Variants in WWOX observed in about 807,000 individuals in gnomAD.
WWOX encodes WW domain-containing oxidoreductase.
WWOX carries 69 observed loss-of-function variants against 46.2 expected under a neutral mutation model. That is an observed-to-expected ratio of 1.49 (90% CI 1.23 to 1.82). The LOEUF (loss-of-function observed/expected upper bound fraction) is 1.82. Ranked by LOEUF, WWOX falls within the 40% of genes most tolerant of loss-of-function variation. WWOX has a pLI of 0.00. For missense variants in WWOX, 919 were observed against 542.6 expected (o/e 1.69, Z -6.89); for synonymous variants, 359 against 202.6 (o/e 1.77, Z -6.56).
At chr16:78,410,890 C>T (rs757350661) in intron 6 of WWOX, among the ~76,000 whole-genome samples, 7 of 151,408 alleles carry the variant, frequency 4.6e-5, no homozygotes, top group African/African-American at 7.3e-5. Context: ...TCATGCATGG[C>T]TGTTGGCAGA....
intron 8 of WWOX, among the ~76,000 whole-genome samples, chr16:79,193,219 T>G (rs1434271948): frequency 6.6e-6 from 1 of 152,222 alleles, no homozygotes; most frequent in Non-Finnish European, 1.5e-5. Flanking sequence ...TCTCCAAATT[T>G]GATTCCCTCT....
intron 4 of WWOX, among the ~76,000 whole-genome samples, chr16:78,163,483 C>A (rs1235287834): frequency 6.6e-6 from 1 of 152,186 alleles, no homozygotes; most frequent in Admixed American, 6.5e-5. Flanking sequence ...AAAAGCTCAG[C>A]CCATCTTCTC....
intron 8 of WWOX, among the ~76,000 whole-genome samples, chr16:78,749,753 A>C (rs993996993): frequency 6.6e-6 from 1 of 152,198 alleles, no homozygotes; most frequent in African/African-American, 2.4e-5. Context: ...GCCGTATTGG[A>C]TGTTCAAATC....
At chr16:78,199,254 A>G (rs1009649484) in intron 5 of WWOX, among the ~76,000 whole-genome samples, 5 of 152,176 alleles carry the variant, frequency 3.3e-5, no homozygotes, top group African/African-American at 9.7e-5. Flanking sequence ...CGGAGGTTGC[A>G]GTGAGCCCAG....
rs1375389001 is a variant in WWOX at position 78,953,411 on chromosome 16, C to T, written c.1057-258197C>T. ...GCTAATTGCAAACACAAAATTCAAA[C>T]CTAGTCAAATTTGAAACCTGTTCAT... On this transcript the variant is annotated intron_variant, in intron 8 of 8. Coordinates refer to ENST00000566780, the MANE Select transcript of WWOX (RefSeq NM_016373.4). 5.3e-5 allele frequency among the ~76,000 whole-genome samples: 8 copies of T among 152,128 alleles called. No individual in the cohort carries two copies. The East Asian group carries it at 1.5e-3, about 29-fold the overall frequency.
At chr16:78,336,742 T>C (rs1471347867) in intron 5 of WWOX, among the ~76,000 whole-genome samples, 1 of 152,134 alleles carries the variant, frequency 6.6e-6, no homozygotes, top group Non-Finnish European at 1.5e-5. Context: ...TTTTGGCTTA[T>C]AAAAATGGTA....
chr16:78,131,612 C>T (rs557014395), intron 4 of WWOX, among the ~76,000 whole-genome samples: 1 of 151,834 alleles, frequency 6.6e-6, no homozygotes, highest in Admixed American at 6.6e-5. Context: ...GATGGAGTCT[C>T]ACTCTGTCGC....
intron 8 of WWOX, among the ~76,000 whole-genome samples, chr16:78,668,895 G>C (rs150290132): frequency 4.1e-4 from 63 of 152,184 alleles, no homozygotes; most frequent in African/African-American, 1.5e-3. Flanking sequence ...TCTCTTCATC[G>C]GGCCTCCACA....
intron 5 of WWOX, among the ~76,000 whole-genome samples, chr16:78,357,291 C>A (rs903316142): frequency 1.3e-5 from 2 of 152,154 alleles, no homozygotes; most frequent in African/African-American, 4.8e-5. Context: ...TCTGTTGAGA[C>A]CTGACTTTGG....
chr16:78,929,055 C>G (rs569524398), intron 8 of WWOX, among the ~76,000 whole-genome samples: 1 of 152,022 alleles, frequency 6.6e-6, no homozygotes, highest in Non-Finnish European at 1.5e-5. Flanking sequence ...TCCTTTTTGC[C>G]TTCAAATCAT....
At chr16:78,692,749 G>T (rs2048018455) in intron 8 of WWOX, among the ~76,000 whole-genome samples, 1 of 152,126 alleles carries the variant, frequency 6.6e-6, no homozygotes, top group Non-Finnish European at 1.5e-5. Flanking sequence ...CTTAAACTGG[G>T]GTATGAGTGG....
chr16:78,415,776 A>G (rs1015665368), intron 6 of WWOX, among the ~76,000 whole-genome samples: 3 of 152,158 alleles, frequency 2.0e-5, no homozygotes, highest in Non-Finnish European at 4.4e-5. Context: ...GCTCTGTCAT[A>G]AGGAATCTTG....
At chr16:79,173,543 C>G (rs1173673013) in intron 8 of WWOX, among the ~76,000 whole-genome samples, 1 of 151,714 alleles carries the variant, frequency 6.6e-6, no homozygotes, top group Non-Finnish European at 1.5e-5. Flanking sequence ...AGTCTTCAGC[C>G]ACACAAAAAG....
intron 8 of WWOX, among the ~76,000 whole-genome samples, chr16:78,802,188 TTTTG>T (rs909879072): frequency 1.3e-4 from 20 of 150,032 alleles, no homozygotes; most frequent in East Asian, 7.9e-4. Flanking sequence ...TTGTTTTATA[TTTTG>T]TTTGTTTAGG....
intron 5 of WWOX, among the ~76,000 whole-genome samples, chr16:78,191,609 A>G (rs963613878): frequency 2.6e-5 from 4 of 152,084 alleles, no homozygotes; most frequent in Non-Finnish European, 2.9e-5. Context: ...TCCCTCTCCT[A>G]TACATGATTG....
chr16:78,202,383 G>C (rs916263675), intron 5 of WWOX, among the ~76,000 whole-genome samples: 4 of 152,192 alleles, frequency 2.6e-5, no homozygotes, highest in African/African-American at 9.7e-5. Context: ...TACGTAGCTG[G>C]TCAGGTTTCT....
intron 6 of WWOX, among the ~76,000 whole-genome samples, chr16:78,388,405 G>C (rs1597146951): frequency 6.6e-6 from 1 of 152,118 alleles, no homozygotes; most frequent in Non-Finnish European, 1.5e-5. Flanking sequence ...CCAGCAGTTT[G>C]GGAGGCCAAG....
chr16:78,676,256 C>G (rs368084889), intron 8 of WWOX, among the ~76,000 whole-genome samples: 5 of 151,890 alleles, frequency 3.3e-5, no homozygotes, highest in Admixed American at 2.0e-4. Context: ...GAGTCCGAAA[C>G]AAAACACAGA....
chr16:78,514,161 TAGAG>T (rs935864673), intron 8 of WWOX, among the ~76,000 whole-genome samples: 1 of 152,270 alleles, frequency 6.6e-6, no homozygotes, highest in East Asian at 1.9e-4. Flanking sequence ...GAAAAAAACT[TAGAG>T]AGTGACTTTC....
Sources: gnomAD v4.1 joint callset for allele counts (sites outside exome capture counted in the v4.1 genomes callset) on GRCh38, gnomAD v4.1.1 for gene constraint, MANE v1.5 for transcripts, NCBI Gene and HGNC (gene_info 2026-07-23, HGNC 2026-07-21) for gene names.